Variants in KCNH7 observed in about 807,000 individuals in gnomAD.
KCNH7 encodes the protein voltage-gated inwardly rectifying potassium channel KCNH7.
In KCNH7, 49 loss-of-function variants were observed where a neutral mutation model predicts 120.8. The observed-to-expected ratio is 0.41, with a 90% CI of 0.32 to 0.51. KCNH7 has a LOEUF of 0.51. Among genes scored for constraint, KCNH7 ranks in the 20% least tolerant of loss-of-function variants. The probability of loss-of-function intolerance (pLI) is 0.38; values close to 1 mark genes in which losing one functional copy is unlikely to be tolerated. For missense variants in KCNH7, 1,097 were observed against 1,446.6 expected (o/e 0.76, Z 3.92); for synonymous variants, 547 against 516.1 (o/e 1.06, Z -0.81).
intron 2 of KCNH7, among the ~76,000 whole-genome samples, chr2:162,724,395 G>A (rs1057076605): frequency 8.5e-5 from 13 of 152,172 alleles, no homozygotes; most frequent in African/African-American, 2.2e-4. Context: ...ACTGTAGGCC[G>A]GGCGCGGTGG....
At chr2:162,515,516 C>T (rs1691253350) in intron 4 of KCNH7, among the ~76,000 whole-genome samples, 1 of 151,734 alleles carries the variant, frequency 6.6e-6, no homozygotes, top group East Asian at 2.0e-4. Context: ...TGTTATAAGT[C>T]AGGATCTCTC....
chr2:162,523,890 C>A (rs1250940567), intron 3 of KCNH7, among the ~76,000 whole-genome samples: 1 of 151,746 alleles, frequency 6.6e-6, no homozygotes, highest in African/African-American at 2.4e-5. Flanking sequence ...CAGTTTTATT[C>A]CTGCTTGGTT....
At chr2:162,812,995 AGTT>A (rs1446921290) in intron 2 of KCNH7, among the ~76,000 whole-genome samples, 1 of 152,124 alleles carries the variant, frequency 6.6e-6, no homozygotes, top group African/African-American at 2.4e-5. Flanking sequence ...AGATGAAAAA[AGTT>A]GTTAAGAATT....
Position 162,621,424 on chromosome 2 carries a change from G to A in KCNH7, c.308-84344C>T, listed in dbSNP as rs921796318. On this transcript the variant is annotated intron_variant, in intron 2 of 15. Coordinates refer to ENST00000332142, the MANE Select transcript of KCNH7 (RefSeq NM_033272.4). ...GCCACACTCAACATTGTCACTCCCT[G>A]TGTTCCAACATGGGGAAGAGAAAGA... Among the ~76,000 whole-genome samples the A allele has an allele frequency of 2.6e-5, 4 of 151,942 alleles. No homozygotes were observed. In the East Asian group the frequency reaches 5.8e-4, roughly 22 times the overall value.
In KCNH7 at chr2:162,817,696, G is replaced by A. The variant is rs150207038; in HGVS notation, c.307+18841C>T. Among the ~76,000 whole-genome samples, 503 of 152,130 alleles carry A rather than the reference G, an allele frequency of 3.3e-3. 3 individuals carry two copies. The highest frequency in any genetic ancestry group is 0.011 in the African/African-American group (454 of 41,522). ...TCTCACTGGCAATACATGAGTCTCC[G>A]TTGCTCCACATCTTCACCAACATTT... On this transcript the variant is annotated intron_variant, in intron 2 of 15. Coordinates refer to ENST00000332142, the MANE Select transcript of KCNH7 (RefSeq NM_033272.4).
At chr2:162,496,227 C>T (rs1055719345) in intron 6 of KCNH7, among the ~76,000 whole-genome samples, 2 of 152,146 alleles carry the variant, frequency 1.3e-5, no homozygotes, top group Admixed American at 1.3e-4. Context: ...GGGGTCTCCA[C>T]TCCTGAAGAA....
At chr2:162,723,247 T>C (rs35647959) in intron 2 of KCNH7, among the ~76,000 whole-genome samples, 3,408 of 152,158 alleles carry the variant, frequency 0.022, 66 homozygotes, top group East Asian at 0.11. Flanking sequence ...CCACCTTTCC[T>C]GGTCTTCATG....
At position 162,517,759 on chromosome 2, in the gene KCNH7, T is replaced by C. The variant is rs145688877; in HGVS notation, c.863A>G (p.Asn288Ser). The C allele has an allele frequency of 1.3e-3, 2,037 of 1,583,146 alleles. 28 individuals carry two copies. The African/African-American group carries it at 0.024, about 19-fold the overall frequency. ...DIEGFGVHPK[N>S]IFRDRHASED... is the part of the protein sequence containing the mutation. The stretch of plus-strand genomic sequence containing the variant: ...GCTGGCATGTCGGTCTCTAAATATG[T>C]TCTTGGGGTGGACGCCGAATCCTTC... Residue 288 changes from asparagine (N) to serine (S), a missense_variant, in exon 4 of 16, where the codon AAC becomes AGC. Physicochemically the swap from Asn to Ser is conservative, Grantham distance 46 (BLOSUM62 1). This residue lies in a region of KCNH7 where 362 missense variants were observed against 372.2 expected (regional missense o/e 0.97). Coordinates refer to ENST00000332142, the MANE Select transcript of KCNH7 (RefSeq NM_033272.4).
chr2:162,822,360 TG>T (rs1318941516), intron 2 of KCNH7, among the ~76,000 whole-genome samples: 2 of 152,140 alleles, frequency 1.3e-5, no homozygotes, highest in Admixed American at 6.5e-5. Context: ...CTTTTACAAA[TG>T]TAAACACGGT....
chr2:162,679,177 A>C (rs1435011), intron 2 of KCNH7, among the ~76,000 whole-genome samples: 25,685 of 151,450 alleles, frequency 0.17, 2,527 homozygotes, highest in East Asian at 0.46. Flanking sequence ...AATAGAAGAG[A>C]CCCCACTAAA....
intron 2 of KCNH7, among the ~76,000 whole-genome samples, chr2:162,742,739 C>T (rs1320113658): frequency 6.6e-6 from 1 of 152,152 alleles, no homozygotes; most frequent in African/African-American, 2.4e-5. Context: ...GAGCAAGAGA[C>T]CTCCCTATGA....
chr2:162,447,854 A>G lies in KCNH7; in HGVS notation c.1129-1411T>C, dbSNP rs76041164. Among the ~76,000 whole-genome samples, 692 of 152,218 alleles carry G rather than the reference A, an allele frequency of 4.5e-3. 4 individuals carry two copies. The highest frequency in any genetic ancestry group is 6.8e-3 in the Middle Eastern group (2 of 294). On this transcript the variant is annotated intron_variant, in intron 6 of 15. Transcript: ENST00000332142. ...GGACTTTGAAAGTTAAATAACCCCA[A>G]ATGAGACACAATATAACTTTTAAAT...
At chr2:162,471,090 C>T (rs1453458945) in intron 6 of KCNH7, among the ~76,000 whole-genome samples, 1 of 152,000 alleles carries the variant, frequency 6.6e-6, no homozygotes, top group African/African-American at 2.4e-5. Context: ...TCTCAAGTAC[C>T]CAGGGACACA....
chr2:162,386,222 A>C (rs1456280830), intron 12 of KCNH7, among the ~76,000 whole-genome samples: 1 of 151,798 alleles, frequency 6.6e-6, no homozygotes, highest in East Asian at 1.9e-4. Context: ...ATTGGTTGTA[A>C]ATATTCGGAT....
At chr2:162,447,319 T>C (rs1688614043) in intron 6 of KCNH7, among the ~76,000 whole-genome samples, 1 of 152,064 alleles carries the variant, frequency 6.6e-6, no homozygotes, top group Non-Finnish European at 1.5e-5. Context: ...AGTAGAAAAG[T>C]CCATGATTTA....
At chr2:162,821,501 GT>G (rs1462440278) in intron 2 of KCNH7, among the ~76,000 whole-genome samples, 1 of 152,174 alleles carries the variant, frequency 6.6e-6, no homozygotes, top group Non-Finnish European at 1.5e-5. Flanking sequence ...AAACTCACTG[GT>G]TTGGAAAGCC....
At chr2:162,668,500 T>C (rs770711052) in intron 2 of KCNH7, among the ~76,000 whole-genome samples, 5 of 152,148 alleles carry the variant, frequency 3.3e-5, no homozygotes, top group Non-Finnish European at 7.4e-5. Flanking sequence ...TGACTCAAAT[T>C]AAGTTACCTG....
chr2:162,527,820 A>G (rs1433919344), intron 3 of KCNH7: 1 of 152,046 alleles, frequency 6.6e-6, no homozygotes, highest in Admixed American at 6.6e-5. Flanking sequence ...TTACTATAAG[A>G]TACTTCAGAA....
intron 2 of KCNH7, among the ~76,000 whole-genome samples, chr2:162,694,668 G>T (rs764293944): frequency 6.6e-6 from 1 of 152,122 alleles, no homozygotes; most frequent in African/African-American, 2.4e-5. Flanking sequence ...CTACTAAGAG[G>T]AGGTAGGGAA....
Sources: gnomAD v4.1 joint callset for allele counts (sites outside exome capture counted in the v4.1 genomes callset) on GRCh38, gnomAD v4.1.1 for gene constraint, gnomAD v4.1.1 regional missense constraint, MANE v1.5 for transcripts, NCBI Gene and HGNC (gene_info 2026-07-23, HGNC 2026-07-21) for gene names.